The following ENTPD5 variants were observed in gnomAD, a reference collection of about 807,000 sequenced individuals.
ENTPD5 encodes the protein ectonucleoside triphosphate diphosphohydrolase 5 (inactive).
Under a neutral mutation model 60.2 loss-of-function variants are expected in ENTPD5, and 49 were observed. The observed-to-expected ratio is 0.81, with a 90% CI of 0.65 to 1.03. The LOEUF (loss-of-function observed/expected upper bound fraction) is 1.03, where lower values mean the gene tolerates loss of function less well. Ranked by LOEUF, ENTPD5 falls within the 50% of genes least tolerant of loss-of-function variation. ENTPD5 has a pLI of 0.00. For missense variants in ENTPD5, 480 were observed against 507.6 expected, an observed-to-expected ratio of 0.95 and a Z score of 0.52; for synonymous variants, 187 against 185.4, an observed-to-expected ratio of 1.01 and a Z score of -0.07.
intron 3 of ENTPD5, among the ~76,000 whole-genome samples, chr14:73,989,832 C>CAA (rs57558687): frequency 0.24 from 12,369 of 52,246 alleles, 1,829 homozygotes; most frequent in East Asian, 0.6. Flanking sequence ...GACTCAGTCT[C>CAA]AAAAAAAAAA....
At position 73,972,902 on chromosome 14, in the gene ENTPD5, C is replaced by T; in HGVS notation, c.1009G>A (p.Val337Ile). ...AACTCACCAATCATGTCTGTGTCAA[C>T]AGCTCGGTCATAATAGTAAGAGAAA... ...YAFSYYYDRA[V>I]DTDMIDYEKG... The change falls in exon 13 of 16, where the codon GTT (valine) becomes ATT (isoleucine). Residue 337 changes from valine to isoleucine, a missense_variant. Coordinates refer to ENST00000334696, the MANE Select transcript of ENTPD5 (RefSeq NM_001249.5). The T allele has an allele frequency of 6.2e-7, 1 of 1,614,178 alleles. No homozygotes were observed. The highest frequency in any genetic ancestry group is 8.5e-7 in the Non-Finnish European group (1 of 1,180,002).
chr14:73,961,107 T>A, downstream of ENTPD5: 1 of 1,539,426 alleles, frequency 6.5e-7, no homozygotes, highest in Middle Eastern at 1.7e-4. Flanking sequence ...AAGGTTTCTT[T>A]ATTGAATTTT....
rs1594967515 is a variant in ENTPD5, at chr14:74,014,846, G to A, written c.-131+978C>T. On this transcript the variant is annotated intron_variant, in intron 2 of 15. Coordinates refer to ENST00000334696, the MANE Select transcript of ENTPD5 (RefSeq NM_001249.5). ...TGTAATCTCAGCACTTTGGGAAGCC[G>A]AGGCAGGCAGATCACTTGAAGTGAG... Among the ~76,000 whole-genome samples, 3 of 152,234 alleles carry A rather than the reference G, an allele frequency of 2.0e-5. No homozygotes were observed. In the South Asian group the frequency reaches 6.2e-4, roughly 32 times the overall value.
Position 73,988,082 on chromosome 14 carries a change from T to C in ENTPD5, c.21A>G (p.Thr7=). ...AGGATACCACCAGCATGAAAAAGACTGTGCCCCAAGAAGTGGCCATTCTTT... is the reference window on the plus strand; with the variant it reads ...AGGATACCACCAGCATGAAAAAGACCGTGCCCCAAGAAGTGGCCATTCTTT... MATSWG[T]VFFMLVVSCV... is the part of the protein sequence containing the mutation. The change falls in exon 4 of 16, where the codon ACA becomes ACG. Residue 7 remains threonine, a synonymous_variant. Coordinates refer to ENST00000334696, the MANE Select transcript of ENTPD5 (RefSeq NM_001249.5). 1 of 1,612,178 alleles carries C rather than the reference T, an allele frequency of 6.2e-7. No homozygotes were observed. The highest frequency in any genetic ancestry group is 8.5e-7 in the Non-Finnish European group (1 of 1,179,546).
intron 3 of ENTPD5, among the ~76,000 whole-genome samples, chr14:73,991,625 A>AAAAAAAAAAAAAAG (rs56259684): frequency 7.8e-6 from 1 of 127,966 alleles, no homozygotes; most frequent in Non-Finnish European, 1.6e-5. Flanking sequence ...AAAAAAAAAA[A>AAAAAAAAAAAAAAG]ACAATTAGGG....
At chr14:73,958,699 T>A (rs2056561222), downstream of ENTPD5, 2 of 1,361,582 alleles carry the variant, frequency 1.5e-6, no homozygotes, top group African/African-American at 2.9e-5. Context: ...AAACTTTCCT[T>A]ATTGCTCTCT....
downstream of ENTPD5, chr14:73,960,264 C>A: frequency 3.0e-6 from 3 of 986,258 alleles, no homozygotes; most frequent in Non-Finnish European, 3.6e-6. Flanking sequence ...ACTAACTGCT[C>A]AGGATTGAAT....
intron 3 of ENTPD5, among the ~76,000 whole-genome samples, chr14:74,003,704 T>C (rs1204236633): frequency 1.3e-5 from 2 of 152,148 alleles, no homozygotes; most frequent in Non-Finnish European, 2.9e-5. Context: ...TTCTGGACTA[T>C]TTCTGTGTTT....
chr14:73,959,815 C>T (rs1038679922), downstream of ENTPD5: 7 of 1,287,754 alleles, frequency 5.4e-6, no homozygotes, highest in African/African-American at 9.0e-5. Context: ...AGTGATCTGC[C>T]TGCCTTGGCC....
intron 10 of ENTPD5, 58 bp downstream of exon 10, chr14:73,975,878 G>T: frequency 7.2e-7 from 1 of 1,385,170 alleles, no homozygotes; most frequent in Non-Finnish European, 1.0e-6. Context: ...AGAATGCTTT[G>T]GAAAGTTAGG....
chr14:73,993,198 G>A (rs546088855), intron 3 of ENTPD5, among the ~76,000 whole-genome samples: 5 of 152,132 alleles, frequency 3.3e-5, no homozygotes, highest in African/African-American at 1.2e-4. Flanking sequence ...TTAGTTGGAC[G>A]TGGTGGCATG....
At chr14:74,011,629 T>A (rs2058848588) in intron 2 of ENTPD5, among the ~76,000 whole-genome samples, 2 of 152,110 alleles carry the variant, frequency 1.3e-5, no homozygotes, top group African/African-American at 2.4e-5. Flanking sequence ...AAACTCCATC[T>A]CTACAAAATA....
downstream of ENTPD5, chr14:73,958,282 T>C (rs753504296): frequency 1.9e-6 from 3 of 1,614,008 alleles, no homozygotes; most frequent in Admixed American, 3.3e-5. Context: ...TTGTTGGTAG[T>C]TGAAGATTCT....
chr14:73,988,736 T>A (rs1347397655), intron 3 of ENTPD5, among the ~76,000 whole-genome samples: 1 of 152,194 alleles, frequency 6.6e-6, no homozygotes, highest in East Asian at 1.9e-4. Flanking sequence ...GAAATCAACT[T>A]TTTTAGCTCC....
At chr14:73,984,131 G>A (rs1317936241) in intron 5 of ENTPD5, among the ~76,000 whole-genome samples, 2 of 152,202 alleles carry the variant, frequency 1.3e-5, no homozygotes, top group African/African-American at 2.4e-5. Context: ...GGGTTCAAGC[G>A]ATTCTCCTGC....
At chr14:74,004,899 A>C (rs959565339) in intron 3 of ENTPD5, among the ~76,000 whole-genome samples, 1 of 152,180 alleles carries the variant, frequency 6.6e-6, no homozygotes, top group Admixed American at 6.6e-5. Context: ...GGAGGTGAGC[A>C]TCACTGGGGG....
downstream of ENTPD5, chr14:73,961,825 C>G (rs368715695): frequency 2.3e-5 from 37 of 1,614,110 alleles, no homozygotes; most frequent in Non-Finnish European, 3.1e-5. Flanking sequence ...TAAAAAGGCT[C>G]TATTCTACCA....
At chr14:73,989,536 A>G (rs2058047826) in intron 3 of ENTPD5, among the ~76,000 whole-genome samples, 1 of 145,818 alleles carries the variant, frequency 6.9e-6, no homozygotes, top group Non-Finnish European at 1.5e-5. Flanking sequence ...TGTATCTACT[A>G]AAAATACAAA....
intron 2 of ENTPD5, among the ~76,000 whole-genome samples, chr14:74,015,366 CT>C (rs562387653): frequency 2.4e-4 from 22 of 90,802 alleles, no homozygotes; most frequent in African/African-American, 3.0e-4. Flanking sequence ...CCCGCCCCCC[CT>C]TTTTTTTTTG....
Sources: gnomAD v4.1 joint callset for allele counts (sites outside exome capture counted in the v4.1 genomes callset) on GRCh38, gnomAD v4.1.1 for gene constraint, MANE v1.5 for transcripts, NCBI Gene and HGNC (gene_info 2026-07-23, HGNC 2026-07-21) for gene names.